CFAP299: variants seen among roughly 807,000 people sequenced by gnomAD.
The protein encoded by CFAP299 is cilia and flagella associated protein 299.
CFAP299 carries 21 observed loss-of-function variants against 27.0 expected under a neutral mutation model. The ratio of observed to expected loss-of-function variants is 0.78; its 90% CI spans 0.55 to 1.12. The LOEUF is 1.12. Ranked by LOEUF, CFAP299 falls within the 50% of genes most tolerant of loss-of-function variation. CFAP299 has a pLI of 0.00. For missense variants in CFAP299, 310 were observed against 276.6 expected, an observed-to-expected ratio of 1.12 and a Z score of -0.86; for synonymous variants, 104 against 98.1, an observed-to-expected ratio of 1.06 and a Z score of -0.36.
At chr4:80,576,197 A>AAT (rs1553935643) in intron 2 of CFAP299, among the ~76,000 whole-genome samples, 194 of 32,450 alleles carry the variant, frequency 6.0e-3, no homozygotes, top group Non-Finnish European at 9.4e-3. Flanking sequence ...TAAAAAAAAA[A>AAT]ATATATATAT....
intron 4 of CFAP299, among the ~76,000 whole-genome samples, chr4:80,874,738 G>T (rs1161438798): frequency 1.3e-5 from 2 of 152,036 alleles, no homozygotes; most frequent in East Asian, 1.9e-4. Context: ...ATAAATTTTG[G>T]AGGGGACACA....
chr4:80,568,510 GAT>G (rs1311416316), intron 2 of CFAP299, among the ~76,000 whole-genome samples: 2 of 152,074 alleles, frequency 1.3e-5, no homozygotes, highest in African/African-American at 4.8e-5. Context: ...TTGAAAGAGA[GAT>G]GACAGTCAAG....
At chr4:80,669,145 CTTTCTTTTT>C (rs1369240945) in intron 3 of CFAP299, among the ~76,000 whole-genome samples, 289 of 16,216 alleles carry the variant, frequency 0.018, 3 homozygotes, top group African/African-American at 0.046. Context: ...TTCTTTCTTT[CTTTCTTTTT>C]TTTTTTTTTT....
At chr4:80,890,797 TTCTCTGATGGCCAG>T (rs1472422234) in intron 4 of CFAP299, among the ~76,000 whole-genome samples, 3 of 149,230 alleles carry the variant, frequency 2.0e-5, no homozygotes, top group Non-Finnish European at 4.4e-5. Flanking sequence ...TGATTTGCAT[TTCTCTGATGGCCAG>T]TGATGATGAG....
At chr4:80,882,454 C>T (rs561135564) in intron 4 of CFAP299, among the ~76,000 whole-genome samples, 2 of 151,858 alleles carry the variant, frequency 1.3e-5, no homozygotes, top group Admixed American at 6.6e-5. Context: ...CTGGCTAACA[C>T]GGTGAAACCC....
intron 3 of CFAP299, among the ~76,000 whole-genome samples, chr4:80,737,169 G>C (rs1393810880): frequency 6.7e-6 from 1 of 148,662 alleles, no homozygotes; most frequent in Admixed American, 6.7e-5. Context: ...GTTGTGGGTT[G>C]GGGGGAGGGG....
chr4:80,570,112 C>T (rs572137763), intron 2 of CFAP299, among the ~76,000 whole-genome samples: 2 of 151,866 alleles, frequency 1.3e-5, no homozygotes, highest in Non-Finnish European at 2.9e-5. Flanking sequence ...ATAGAGAAGC[C>T]AGAAACAGAT....
chr4:80,757,060 A>C (rs1384255015), intron 3 of CFAP299, among the ~76,000 whole-genome samples: 1 of 152,168 alleles, frequency 6.6e-6, no homozygotes, highest in Non-Finnish European at 1.5e-5. Flanking sequence ...GTTTTAGAAA[A>C]ATAAATAAAT....
At chr4:80,830,145 T>A (rs754150304) in intron 3 of CFAP299, among the ~76,000 whole-genome samples, 2 of 151,950 alleles carry the variant, frequency 1.3e-5, no homozygotes, top group Non-Finnish European at 2.9e-5. Context: ...TATTCCAGAG[T>A]GTGTTTTTCT....
intron 2 of CFAP299, among the ~76,000 whole-genome samples, chr4:80,511,018 T>C (rs1732270237): frequency 6.6e-6 from 1 of 152,150 alleles, no homozygotes; most frequent in African/African-American, 2.4e-5. Context: ...CTTATTCAGA[T>C]CCAATAGGAG....
rs1733571480 is a variant in CFAP299, at chr4:80,879,274, G to T, written c.476+9139G>T. On this transcript the variant is annotated intron_variant, in intron 4 of 5. Coordinates refer to ENST00000358105, the MANE Select transcript of CFAP299 (RefSeq NM_152770.3). Reference sequence around the variant, plus strand: ...ATTAGCAACTTCAGTAGCCCTATAAGTCTAGTGATAATTGGAAATCTAAAA... The same window carrying T: ...ATTAGCAACTTCAGTAGCCCTATAATTCTAGTGATAATTGGAAATCTAAAA... Among the ~76,000 whole-genome samples the T allele has an allele frequency of 7.9e-5, 12 of 152,206 alleles. No homozygotes were observed. The South Asian group carries it at 2.5e-3, about 32-fold the overall frequency.
chr4:80,781,232 A>T (rs1399654054), intron 3 of CFAP299, among the ~76,000 whole-genome samples: 1 of 152,030 alleles, frequency 6.6e-6, no homozygotes, highest in Non-Finnish European at 1.5e-5. Flanking sequence ...TGTCTTTATC[A>T]TCAGAAGTGT....
chr4:80,324,079 A>G, the CFAP299 span, among the ~76,000 whole-genome samples: 5 of 152,128 alleles, frequency 3.3e-5, no homozygotes. Context: ...TCAACCCGTC[A>G]TCTAGGTTTT....
At chr4:80,923,741 C>T (rs1736162192) in intron 4 of CFAP299, among the ~76,000 whole-genome samples, 1 of 151,944 alleles carries the variant, frequency 6.6e-6, no homozygotes, top group Admixed American at 6.6e-5. Context: ...GTTGAAGTAT[C>T]AGGACTCCTA....
intron 3 of CFAP299, among the ~76,000 whole-genome samples, chr4:80,692,609 G>A (rs1029513094): frequency 3.3e-5 from 5 of 152,094 alleles, no homozygotes; most frequent in Non-Finnish European, 5.9e-5. Context: ...GAAAACCTAG[G>A]CATTACCATT....
intron 3 of CFAP299, among the ~76,000 whole-genome samples, chr4:80,642,832 A>C (rs1191306840): frequency 2.0e-5 from 3 of 152,174 alleles, no homozygotes; most frequent in African/African-American, 7.2e-5. Flanking sequence ...CCTACATGCC[A>C]GACCCTACTC....
chr4:80,465,403 A>G (rs191671789), intron 2 of CFAP299, among the ~76,000 whole-genome samples: 2 of 152,286 alleles, frequency 1.3e-5, no homozygotes, highest in East Asian at 3.9e-4. Context: ...AGAGAAAAGA[A>G]GGGCAGGGTT....
intron 4 of CFAP299, among the ~76,000 whole-genome samples, chr4:80,894,189 TG>T (rs1192771010): frequency 6.6e-6 from 1 of 151,902 alleles, no homozygotes; most frequent in African/African-American, 2.4e-5. Flanking sequence ...CTTGTTAGAA[TG>T]GGCATTATTA....
chr4:80,572,280 GT>G (rs910709270), intron 2 of CFAP299, among the ~76,000 whole-genome samples: 4 of 149,752 alleles, frequency 2.7e-5, no homozygotes, highest in Middle Eastern at 6.5e-3. Flanking sequence ...TATTCATTCT[GT>G]TTTTTTTTGA....
Sources: allele counts gnomAD v4.1 joint callset (sites outside exome capture counted in the v4.1 genomes callset), GRCh38; gene constraint gnomAD v4.1.1; transcripts MANE v1.5; gene names NCBI Gene and HGNC (gene_info 2026-07-23, HGNC 2026-07-21).